The following CADM2 variants were observed in gnomAD, a reference collection of about 807,000 sequenced individuals.
CADM2 encodes cell adhesion molecule 2, also known as immunoglobulin superfamily member 4D.
A neutral mutation model predicts 49.8 loss-of-function variants in CADM2; 12 were observed. The ratio of observed to expected loss-of-function variants is 0.24; its 90% CI spans 0.15 to 0.39. The LOEUF is 0.39. Ranked by LOEUF, CADM2 falls within the 10% of genes least tolerant of loss-of-function variation. CADM2 has a pLI of 1.00. For missense variants in CADM2, 378 were observed against 492.3 expected (o/e 0.77, Z 2.20); for synonymous variants, 214 against 175.4 (o/e 1.22, Z -1.74).
intron 3 of CADM2, among the ~76,000 whole-genome samples, chr3:85,842,176 A>C (rs1423750641): frequency 6.6e-6 from 1 of 152,042 alleles, no homozygotes; most frequent in Non-Finnish European, 1.5e-5. Flanking sequence ...CCAGAGTAAA[A>C]CAAATCAGCA....
chr3:85,868,568 T>C (rs1435842288), intron 3 of CADM2, among the ~76,000 whole-genome samples: 2 of 152,126 alleles, frequency 1.3e-5, no homozygotes, highest in African/African-American at 4.8e-5. Flanking sequence ...GGAAGATAAA[T>C]TGGTTGGTTA....
chr3:85,232,694 T>C (rs1344313826), intron 1 of CADM2, among the ~76,000 whole-genome samples: 2 of 152,130 alleles, frequency 1.3e-5, no homozygotes, highest in Admixed American at 1.3e-4. Flanking sequence ...ATTAGGGAAT[T>C]GCAAATTGAA....
intron 2 of CADM2, among the ~76,000 whole-genome samples, chr3:85,780,218 A>C (rs2070569018): frequency 6.6e-6 from 1 of 152,148 alleles, no homozygotes. Flanking sequence ...GCCGACATGT[A>C]CATTCAAAAA....
At chr3:85,601,040 A>G (rs1186554166) in intron 1 of CADM2, among the ~76,000 whole-genome samples, 3 of 149,342 alleles carry the variant, frequency 2.0e-5, no homozygotes, top group Non-Finnish European at 4.5e-5. Flanking sequence ...GTATATATTC[A>G]TATACATACC....
chr3:85,604,531 A>C (rs1005671397), intron 1 of CADM2, among the ~76,000 whole-genome samples: 4 of 151,974 alleles, frequency 2.6e-5, no homozygotes, highest in African/African-American at 9.7e-5. Context: ...TAAATGTTGA[A>C]TCTTACAATT....
At chr3:85,413,161 A>AAAAATAAT (rs1553720239) in intron 1 of CADM2, among the ~76,000 whole-genome samples, 3 of 108,512 alleles carry the variant, frequency 2.8e-5, no homozygotes, top group African/African-American at 1.2e-4. Context: ...AAAAAAAAAA[A>AAAAATAAT]AATAATAATA....
At chr3:85,842,872 C>T (rs1577453006) in intron 3 of CADM2, among the ~76,000 whole-genome samples, 1 of 152,072 alleles carries the variant, frequency 6.6e-6, no homozygotes, top group East Asian at 1.9e-4. Flanking sequence ...AGATATTATA[C>T]ACAAAAGTTA....
chr3:85,286,152 T>G (rs1243955479), intron 1 of CADM2, among the ~76,000 whole-genome samples: 1 of 152,096 alleles, frequency 6.6e-6, no homozygotes, highest in Non-Finnish European at 1.5e-5. Context: ...CTCGCCCCTT[T>G]CAAGAACTCA....
rs189864311 is a variant in CADM2 at position 85,280,016 on chromosome 3, G to A, written c.61+320348G>A. Among the ~76,000 whole-genome samples the A allele has an allele frequency of 4.0e-4, 61 of 151,622 alleles. 1 individual carries two copies. Among genetic ancestry groups the A allele is most frequent in the African/African-American group, 1.4e-3 (57 of 41,472 alleles). ...CTCATTGTTTCTTTTGTTGTGCAGAGCTTTTTAATTTAATGTAGTCCCGCC... is the reference window on the plus strand; with the variant it reads ...CTCATTGTTTCTTTTGTTGTGCAGAACTTTTTAATTTAATGTAGTCCCGCC... On this transcript the variant is annotated intron_variant, in intron 1 of 9. Coordinates refer to ENST00000383699, the MANE Select transcript of CADM2 (RefSeq NM_001167675.2).
At chr3:85,706,462 A>G (rs1365983668) in intron 1 of CADM2, among the ~76,000 whole-genome samples, 5 of 151,990 alleles carry the variant, frequency 3.3e-5, no homozygotes, top group Non-Finnish European at 7.4e-5. Context: ...CCTCTCCTTA[A>G]CATTCACATT....
intron 1 of CADM2, among the ~76,000 whole-genome samples, chr3:84,960,614 G>C (rs556279953): frequency 6.6e-6 from 1 of 151,854 alleles, no homozygotes; most frequent in African/African-American, 2.4e-5. Flanking sequence ...ATCCTTTCAC[G>C]TGAAATGTAA....
At chr3:85,588,233 G>A (rs2062996867) in intron 1 of CADM2, among the ~76,000 whole-genome samples, 1 of 151,988 alleles carries the variant, frequency 6.6e-6, no homozygotes, top group South Asian at 2.1e-4. Context: ...TTAAAAATAT[G>A]ACCACTGTTG....
intron 1 of CADM2, among the ~76,000 whole-genome samples, chr3:85,708,743 C>T (rs1316549870): frequency 6.6e-6 from 1 of 152,104 alleles, no homozygotes; most frequent in Non-Finnish European, 1.5e-5. Context: ...ATACAACACT[C>T]TGGTGTTTTT....
chr3:86,008,649 T>C (rs552761463), intron 8 of CADM2, among the ~76,000 whole-genome samples: 1 of 152,032 alleles, frequency 6.6e-6, no homozygotes, highest in Admixed American at 6.6e-5. Context: ...GGCTAAATTT[T>C]AATTTGGAAT....
intron 1 of CADM2, among the ~76,000 whole-genome samples, chr3:85,271,889 A>C (rs2043251801): frequency 6.6e-6 from 1 of 151,222 alleles, no homozygotes; most frequent in East Asian, 1.9e-4. Context: ...TTAATAGCAA[A>C]GAAAATCCAT....
intron 1 of CADM2, among the ~76,000 whole-genome samples, chr3:85,091,572 A>G (rs9835904): frequency 0.37 from 56,127 of 151,958 alleles, 13,502 homozygotes; most frequent in Non-Finnish European, 0.54. Flanking sequence ...TATCAACTCT[A>G]AATTGCTTTC....
intron 1 of CADM2, among the ~76,000 whole-genome samples, chr3:85,374,892 T>C (rs552546336): frequency 1.2e-4 from 19 of 152,048 alleles, no homozygotes; most frequent in African/African-American, 4.1e-4. Context: ...CAGTTCAAGA[T>C]GAGATTTGGG....
At chr3:86,048,018 A>G (rs1736872719) in intron 8 of CADM2, among the ~76,000 whole-genome samples, 1 of 152,192 alleles carries the variant, frequency 6.6e-6, no homozygotes, top group South Asian at 2.1e-4. Flanking sequence ...TTTTTACATA[A>G]TAAGAAAACA....
At chr3:85,809,922 A>G (rs1367958158) in intron 3 of CADM2, among the ~76,000 whole-genome samples, 1 of 151,842 alleles carries the variant, frequency 6.6e-6, no homozygotes, top group Non-Finnish European at 1.5e-5. Flanking sequence ...ATATTCTCAT[A>G]TGTATTAGTA....
Sources: allele counts gnomAD v4.1 joint callset (sites outside exome capture counted in the v4.1 genomes callset), GRCh38; gene constraint gnomAD v4.1.1; transcripts MANE v1.5; gene names NCBI Gene and HGNC (gene_info 2026-07-23, HGNC 2026-07-21).